The following CSMD3 variants were observed in gnomAD, a reference collection of about 807,000 sequenced individuals.
CSMD3 encodes the protein CUB and Sushi multiple domains 3.
Under a neutral mutation model 435.2 loss-of-function variants are expected in CSMD3, and 177 were observed. That is an observed-to-expected ratio of 0.41 (90% CI 0.36 to 0.46). CSMD3 has a LOEUF of 0.46. Among genes scored for constraint, CSMD3 ranks in the 20% least tolerant of loss-of-function variants. The pLI is 0.34. For synonymous variants in CSMD3, 1,656 were observed against 1,520.5 expected (o/e 1.09, Z -2.07); for missense variants, 4,265 against 4,504.6 (o/e 0.95, Z 1.52).
chr8:113,013,488 G>A (rs1038253322), intron 6 of CSMD3, among the ~76,000 whole-genome samples: 1 of 152,128 alleles, frequency 6.6e-6, no homozygotes, highest in South Asian at 2.1e-4. Flanking sequence ...GCGAGTTAAG[G>A]GTGGTATGGC....
chr8:113,110,966 T>A (rs1271419550), intron 4 of CSMD3, among the ~76,000 whole-genome samples: 1 of 152,150 alleles, frequency 6.6e-6, no homozygotes, highest in African/African-American at 2.4e-5. Context: ...AAGGGTTGAA[T>A]GAGCTCCTGT....
chr8:113,102,464 G>T lies in CSMD3; in HGVS notation c.710-3501C>A, dbSNP rs1207490670. On this transcript the variant is annotated intron_variant, in intron 4 of 70. Transcript: ENST00000297405. ...ACGTTTTCATGATCCCTGTTCTCAT[G>T]GAGTATTCTATTAGTGAGTCAGGCT... is the stretch of plus-strand genomic sequence containing the variant. 2.0e-5 allele frequency among the ~76,000 whole-genome samples: 3 copies of T among 152,094 alleles called. No individual in the cohort carries two copies. In the East Asian group the frequency reaches 5.8e-4, roughly 29 times the overall value.
rs1472539660 is a variant in CSMD3, at chr8:112,314,025, A to G, written c.7577T>C (p.Ile2526Thr). Reference sequence around the variant, plus strand: ...AGATGAATAATCCCCACTGAGGGAAATAAGCACTGGACTTTGAATATTTGG... The same window carrying G: ...AGATGAATAATCCCCACTGAGGGAAGTAAGCACTGGACTTTGAATATTTGG... ...DGPNIQSPVL[I>T]SLSGDYSSAF... is the part of the protein sequence containing the mutation. The change falls in exon 49 of 71, where the codon ATT (isoleucine) becomes ACT (threonine). Residue 2526 changes from isoleucine (I) to threonine (T), a missense_variant. This residue lies in a region of CSMD3 where 3,255 missense variants were observed against 3,380.2 expected (regional missense o/e 0.96). Coordinates refer to ENST00000297405, the MANE Select transcript of CSMD3 (RefSeq NM_198123.2). 2.5e-6 allele frequency: 4 copies of G among 1,610,428 alleles called. No homozygotes were observed. Among genetic ancestry groups the G allele is most frequent in the East Asian group, 2.2e-5 (1 of 44,706 alleles).
chr8:112,854,994 T>G (rs1296785189), intron 11 of CSMD3, among the ~76,000 whole-genome samples: 2 of 152,166 alleles, frequency 1.3e-5, no homozygotes, highest in Non-Finnish European at 1.5e-5. Flanking sequence ...GTTTGAACTG[T>G]GATGTGATAA....
At chr8:113,167,017 A>G (rs2092164233) in intron 4 of CSMD3, among the ~76,000 whole-genome samples, 1 of 152,144 alleles carries the variant, frequency 6.6e-6, no homozygotes. Context: ...TGAGGTCTAA[A>G]AAATTAAATA....
At chr8:113,110,150 C>T (rs953771425) in intron 4 of CSMD3, among the ~76,000 whole-genome samples, 7 of 152,148 alleles carry the variant, frequency 4.6e-5, no homozygotes, top group Non-Finnish European at 8.8e-5. Context: ...CAGGCTGATC[C>T]ATATTAATCT....
chr8:113,118,984 T>C (rs1451655889), intron 4 of CSMD3, among the ~76,000 whole-genome samples: 3 of 152,068 alleles, frequency 2.0e-5, no homozygotes, highest in South Asian at 4.1e-4. Flanking sequence ...AAGAAGAGAA[T>C]AGAAAGTGAG....
At chr8:113,264,175 C>G (rs1227407491) in intron 3 of CSMD3, among the ~76,000 whole-genome samples, 2 of 151,278 alleles carry the variant, frequency 1.3e-5, no homozygotes. Flanking sequence ...AAATTAAATT[C>G]TCATATTAAT....
intron 11 of CSMD3, among the ~76,000 whole-genome samples, chr8:112,831,645 G>T (rs2079879415): frequency 6.8e-6 from 1 of 147,390 alleles, no homozygotes; most frequent in Non-Finnish European, 1.5e-5. Flanking sequence ...CCTTTTCTGT[G>T]ACACAACTGT....
At chr8:112,917,362 G>C (rs1025754461) in intron 10 of CSMD3, among the ~76,000 whole-genome samples, 1 of 151,902 alleles carries the variant, frequency 6.6e-6, no homozygotes, top group African/African-American at 2.4e-5. Context: ...ATTGAAATAG[G>C]AAAGAATTTT....
At position 112,224,543 on chromosome 8, in the gene CSMD3, T is replaced by C. The variant is rs1489397988; in HGVS notation, c.*228A>G. On this transcript the variant is annotated 3_prime_UTR_variant, in exon 71 of 71. Coordinates refer to ENST00000297405, the MANE Select transcript of CSMD3 (RefSeq NM_198123.2). ...TCCTTTTTAAAAAAAGCAAATAAAC[T>C]GTGAGTAAGCACTCTCAGAGTGCAG... The C allele has an allele frequency of 2.1e-5, 12 of 569,890 alleles. No homozygotes were observed. In the Admixed American group the frequency reaches 2.7e-4, roughly 13 times the overall value. The allele number at this position is 569,890 out of a possible 1,614,324, so 35.3% of individuals were successfully genotyped here. A position where few individuals can be genotyped will look rare whatever the true frequency, so the allele number is the denominator to read the frequency against.
At chr8:112,437,984 C>A (rs1814562772) in intron 32 of CSMD3, among the ~76,000 whole-genome samples, 1 of 152,102 alleles carries the variant, frequency 6.6e-6, no homozygotes, top group Non-Finnish European at 1.5e-5. Context: ...TGCTGAGTCT[C>A]ATCTACCCCA....
At chr8:113,019,222 T>C in intron 5 of CSMD3, 43 bp from the exon 6 acceptor site, 1 of 1,341,968 alleles carries the variant, frequency 7.5e-7, no homozygotes. Flanking sequence ...AAAAAGCTTT[T>C]CAGCAGTAAA....
intron 21 of CSMD3, among the ~76,000 whole-genome samples, chr8:112,638,150 T>G (rs2074713996): frequency 6.7e-6 from 1 of 149,406 alleles, no homozygotes; most frequent in Non-Finnish European, 1.5e-5. Context: ...GATTATAGAT[T>G]ATAGATTATC....
intron 4 of CSMD3, among the ~76,000 whole-genome samples, chr8:113,169,355 C>G (rs1205945455): frequency 6.6e-6 from 1 of 152,070 alleles, no homozygotes; most frequent in Non-Finnish European, 1.5e-5. Flanking sequence ...ACATCTACAT[C>G]ACTAACATCC....
At chr8:112,563,070 C>T (rs1828778050) in intron 24 of CSMD3, among the ~76,000 whole-genome samples, 1 of 151,478 alleles carries the variant, frequency 6.6e-6, no homozygotes, top group Admixed American at 6.6e-5. Flanking sequence ...ACAGGGAATA[C>T]TTCAAGATAA....
rs112986896 is a variant in CSMD3 at position 112,506,516 on chromosome 8, C to T, written c.4895+175G>A. Among the ~76,000 whole-genome samples the T allele has an allele frequency of 3.6e-3, 555 of 152,106 alleles. 4 individuals are homozygous for T. Among genetic ancestry groups the T allele is most frequent in the African/African-American group, 0.013 (535 of 41,496 alleles). On this transcript the variant is annotated intron_variant, in intron 29 of 70. Coordinates refer to ENST00000297405, the MANE Select transcript of CSMD3 (RefSeq NM_198123.2). ...GAGGCTCACTCAAATAAATAACTTG[C>T]CCAAGGTAACACAAATGACAGTGGC...
intron 5 of CSMD3, among the ~76,000 whole-genome samples, chr8:113,074,297 T>C (rs2089253770): frequency 6.6e-6 from 1 of 151,786 alleles, no homozygotes; most frequent in South Asian, 2.1e-4. Context: ...AATTCCATCT[T>C]CTTAAGCAAG....
At chr8:112,264,750 C>T (rs770857582) in intron 60 of CSMD3, among the ~76,000 whole-genome samples, 59 of 151,824 alleles carry the variant, frequency 3.9e-4, no homozygotes, top group Non-Finnish European at 6.0e-4. Flanking sequence ...TAAATAGAAA[C>T]GTAAACGAAA....
Sources: gnomAD v4.1 joint callset for allele counts (sites outside exome capture counted in the v4.1 genomes callset) on GRCh38, gnomAD v4.1.1 for gene constraint, gnomAD v4.1.1 regional missense constraint, MANE v1.5 for transcripts, NCBI Gene and HGNC (gene_info 2026-07-23, HGNC 2026-07-21) for gene names.